The following KLF12 variants were observed in gnomAD, a reference collection of about 807,000 sequenced individuals.
KLF12 encodes the protein Krueppel-like factor 12.
A neutral mutation model predicts 37.8 loss-of-function variants in KLF12; 9 were observed. That is an observed-to-expected ratio of 0.24 (90% confidence interval 0.14 to 0.42). KLF12 has a LOEUF of 0.42. Among genes scored for constraint, KLF12 ranks in the 10% least tolerant of loss-of-function variants. The pLI is 1.00. For synonymous variants in KLF12, 208 were observed against 202.1 expected, an observed-to-expected ratio of 1.03 and a Z score of -0.25; for missense variants, 411 against 516.0, an observed-to-expected ratio of 0.80 and a Z score of 1.97.
At chr13:74,187,359 G>C in the KLF12 span, among the ~76,000 whole-genome samples, 453 of 152,104 alleles carry the variant, frequency 3.0e-3, 2 homozygotes, top group African/African-American at 0.01. Context: ...ACAATCGCAG[G>C]CTCAGTGGTT....
At chr13:74,165,982 A>G in the KLF12 span, among the ~76,000 whole-genome samples, 3 of 152,054 alleles carry the variant, frequency 2.0e-5, no homozygotes, top group African/African-American at 7.2e-5. Flanking sequence ...GACTTGTTAC[A>G]TCTATGAGAT....
At chr13:74,085,324 G>C (rs542452525) in intron 1 of KLF12, among the ~76,000 whole-genome samples, 1 of 152,182 alleles carries the variant, frequency 6.6e-6, no homozygotes, top group South Asian at 2.1e-4. Flanking sequence ...AAAATCCACA[G>C]TTCGGAGGTT....
intron 1 of KLF12, among the ~76,000 whole-genome samples, chr13:74,097,682 A>G (rs892975444): frequency 1.3e-5 from 2 of 150,724 alleles, no homozygotes; most frequent in Non-Finnish European, 2.9e-5. Context: ...ATACTTGAAA[A>G]TACAATTTTA....
intron 2 of KLF12, among the ~76,000 whole-genome samples, chr13:73,974,789 A>G (rs759943508): frequency 2.6e-5 from 4 of 152,216 alleles, no homozygotes; most frequent in Admixed American, 6.5e-5. Flanking sequence ...AATGAAACCT[A>G]GTTGACAAAT....
chr13:73,887,397 ATGGT>A (rs1887283135), intron 3 of KLF12, among the ~76,000 whole-genome samples: 1 of 152,176 alleles, frequency 6.6e-6, no homozygotes, highest in Non-Finnish European at 1.5e-5. Flanking sequence ...GCTTACTACC[ATGGT>A]AACGAGTGTG....
At chr13:73,799,323 G>A (rs951567681) in intron 5 of KLF12, among the ~76,000 whole-genome samples, 1 of 152,008 alleles carries the variant, frequency 6.6e-6, no homozygotes, top group Non-Finnish European at 1.5e-5. Context: ...CTTAATTCCT[G>A]GGTGATGAAA....
At chr13:73,782,492 A>T (rs1286005655) in intron 5 of KLF12, among the ~76,000 whole-genome samples, 1 of 152,230 alleles carries the variant, frequency 6.6e-6, no homozygotes, top group African/African-American at 2.4e-5. Flanking sequence ...TAACTCCCAA[A>T]TTGTACCTAA....
intron 1 of KLF12, among the ~76,000 whole-genome samples, chr13:74,126,325 AGAAGT>A (rs1279319791): frequency 6.6e-6 from 1 of 152,236 alleles, no homozygotes; most frequent in African/African-American, 2.4e-5. Context: ...TCAAATATGC[AGAAGT>A]GAAGGGACCA....
At chr13:73,717,371 C>T (rs76981913) in intron 6 of KLF12, among the ~76,000 whole-genome samples, 1 of 152,318 alleles carries the variant, frequency 6.6e-6, no homozygotes, top group African/African-American at 2.4e-5. Flanking sequence ...AGCTTGCCAA[C>T]TATGGAATTA....
At chr13:74,219,974 A>C in the KLF12 span, among the ~76,000 whole-genome samples, 193 of 152,126 alleles carry the variant, frequency 1.3e-3, no homozygotes, top group African/African-American at 4.3e-3. Context: ...TAAAAGTCTA[A>C]TGTGTTTAAT....
At chr13:74,253,696 T>C in the KLF12 span, among the ~76,000 whole-genome samples, 28 of 152,340 alleles carry the variant, frequency 1.8e-4, no homozygotes, top group Non-Finnish European at 7.3e-5. Flanking sequence ...AGAATAATAA[T>C]ACTTTTTCGA....
At chr13:73,872,017 G>T (rs1886494197) in intron 3 of KLF12, among the ~76,000 whole-genome samples, 1 of 152,120 alleles carries the variant, frequency 6.6e-6, no homozygotes, top group South Asian at 2.1e-4. Context: ...TCATATTAAG[G>T]CTTGAATCAA....
chr13:73,817,176 A>T (rs899698560), intron 4 of KLF12, among the ~76,000 whole-genome samples: 4 of 151,492 alleles, frequency 2.6e-5, no homozygotes, highest in African/African-American at 9.7e-5. Context: ...ACATCAGCAG[A>T]GTGTGGTGGC....
chr13:74,246,515 A>G, the KLF12 span, among the ~76,000 whole-genome samples: 1 of 152,206 alleles, frequency 6.6e-6, no homozygotes, highest in Non-Finnish European at 1.5e-5. Flanking sequence ...ATACAGGGGA[A>G]CCACTCTGTG....
intron 1 of KLF12, among the ~76,000 whole-genome samples, chr13:74,055,402 T>C (rs1391488066): frequency 1.3e-5 from 2 of 152,208 alleles, no homozygotes; most frequent in Non-Finnish European, 2.9e-5. Context: ...TTATTTACTT[T>C]GCCATCAGAT....
chr13:73,893,732 T>A (rs969463204), intron 3 of KLF12, among the ~76,000 whole-genome samples: 13 of 152,142 alleles, frequency 8.5e-5, no homozygotes, highest in African/African-American at 2.7e-4. Flanking sequence ...CAGATTTTTT[T>A]AAATAAATAA....
At chr13:74,107,087 G>A (rs989531126) in intron 1 of KLF12, among the ~76,000 whole-genome samples, 14 of 151,602 alleles carry the variant, frequency 9.2e-5, no homozygotes. Flanking sequence ...GATGGCGCTT[G>A]TCTTCACATG....
intron 1 of KLF12, among the ~76,000 whole-genome samples, chr13:74,113,627 T>C (rs1402289386): frequency 6.6e-6 from 1 of 152,236 alleles, no homozygotes; most frequent in Non-Finnish European, 1.5e-5. Flanking sequence ...TTACTGCTCG[T>C]TGACAATGCA....
At chr13:73,960,494 G>C (rs1010792302) in intron 2 of KLF12, 1 of 206,814 alleles carries the variant, frequency 4.8e-6, no homozygotes, top group African/African-American at 2.3e-5. Flanking sequence ...AAAAAGAAGA[G>C]CCAATGGTTG....
Sources: gnomAD v4.1 joint callset for allele counts (sites outside exome capture counted in the v4.1 genomes callset) on GRCh38, gnomAD v4.1.1 for gene constraint, MANE v1.5 for transcripts, NCBI Gene and HGNC (gene_info 2026-07-23, HGNC 2026-07-21) for gene names.